TBC1D31: variants seen among roughly 807,000 people sequenced by gnomAD.
TBC1D31 encodes TBC1 domain family member 31.
In TBC1D31, 99 loss-of-function variants were observed where a neutral mutation model predicts 132.9. The observed-to-expected ratio is 0.74, with a 90% CI of 0.63 to 0.88. The LOEUF (loss-of-function observed/expected upper bound fraction) is 0.88, where lower values mean the gene tolerates loss of function less well. Ranked by LOEUF, TBC1D31 falls within the 40% of genes least tolerant of loss-of-function variation. TBC1D31 has a pLI of 0.00. For missense variants in TBC1D31, 1,134 were observed against 1,256.6 expected (o/e 0.90, Z 1.48); for synonymous variants, 385 against 419.4 (o/e 0.92, Z 1.00).
chr8:123,100,291 G>A (rs1213493850), intron 6 of TBC1D31, among the ~76,000 whole-genome samples: 1 of 152,092 alleles, frequency 6.6e-6, no homozygotes, highest in African/African-American at 2.4e-5. Flanking sequence ...GTAATATCAG[G>A]CCAGGTGCAG....
intron 10 of TBC1D31, among the ~76,000 whole-genome samples, chr8:123,119,555 A>T (rs1819276625): frequency 1.3e-5 from 2 of 152,102 alleles, no homozygotes; most frequent in Non-Finnish European, 2.9e-5. Context: ...TACCCGCAAG[A>T]AAGATTAGCC....
intron 20 of TBC1D31, among the ~76,000 whole-genome samples, chr8:123,147,145 C>A (rs1822292794): frequency 6.6e-6 from 1 of 151,880 alleles, no homozygotes; most frequent in Non-Finnish European, 1.5e-5. Context: ...TTCTCCCTCA[C>A]CCTCTCACAC....
At chr8:123,086,183 C>G (rs904506804) in intron 4 of TBC1D31, among the ~76,000 whole-genome samples, 1 of 145,204 alleles carries the variant, frequency 6.9e-6, no homozygotes, top group African/African-American at 2.6e-5. Context: ...GGTTTCCACG[C>G]TGCTACCCCT....
At chr8:123,100,773 A>G in intron 6 of TBC1D31, 34 bp from the exon 7 acceptor site, 3 of 1,540,926 alleles carry the variant, frequency 1.9e-6, no homozygotes, top group South Asian at 2.2e-5. Flanking sequence ...TGACTATCAC[A>G]TGTTTTTAGG....
chr8:123,097,352 C>T lies in TBC1D31; in HGVS notation c.742C>T (p.Leu248Phe), dbSNP rs773497753. The change falls in exon 6 of 22, where the codon CTC (leucine) becomes TTC (phenylalanine). Residue 248 changes from leucine (L) to phenylalanine (F), a missense_variant. Leu to Phe is a conservative substitution (Grantham distance 22). Coordinates refer to ENST00000287380, the MANE Select transcript of TBC1D31 (RefSeq NM_145647.4). The stretch of plus-strand genomic sequence containing the variant: ...TTTGTGGTGCTTGGAAGCTAGGCAG[C>T]TCTTTAGAATTATCCAGATGCCCAC... ...LHLWCLEARQ[L>F]FRIIQMPTKV... 3 of 1,614,136 alleles carry T rather than the reference C, an allele frequency of 1.9e-6. No individual in the cohort carries two copies. Among genetic ancestry groups the T allele is most frequent in the East Asian group, 4.5e-5 (2 of 44,870 alleles).
the TBC1D31 span, among the ~76,000 whole-genome samples, chr8:123,161,645 A>G: frequency 0.055 from 8,334 of 152,270 alleles, 757 homozygotes; most frequent in African/African-American, 0.19. Flanking sequence ...ATTATAAACA[A>G]TTGCAAAAGA....
chr8:123,093,700 C>G lies in TBC1D31; in HGVS notation c.629C>G (p.Pro210Arg). The G allele has an allele frequency of 6.2e-7, 1 of 1,610,768 alleles. No homozygotes were observed. Among genetic ancestry groups the G allele is most frequent in the Non-Finnish European group, 8.5e-7 (1 of 1,177,720 alleles). ...TGCAAATATCAATTGCCAGCTCCAC[C>G]TGAAAGCTCTAGTATATTATACAAA... Reference protein sequence around the residue: ...LFCKYQLPAPPESSSILYKVF... With the variant: ...LFCKYQLPAPRESSSILYKVF... The change falls in exon 5 of 22, where the codon CCT (proline) becomes CGT (arginine). Residue 210 changes from proline (P) to arginine (R), a missense_variant. Transcript: ENST00000287380.
intron 16 of TBC1D31, among the ~76,000 whole-genome samples, chr8:123,133,061 A>G (rs1820772913): frequency 6.6e-6 from 1 of 152,136 alleles, no homozygotes; most frequent in Non-Finnish European, 1.5e-5. Flanking sequence ...TTGTGCTCTG[A>G]CCCTGCCAAA....
chr8:123,097,202 T>C, intron 5 of TBC1D31, 80 bp from the exon 6 acceptor site: 1 of 1,465,804 alleles, frequency 6.8e-7, no homozygotes, highest in Non-Finnish European at 9.4e-7. Context: ...TACATTTCTG[T>C]CATCATAGAA....
intron 17 of TBC1D31, among the ~76,000 whole-genome samples, chr8:123,136,373 A>G (rs1821089661): frequency 6.6e-6 from 1 of 152,232 alleles, no homozygotes; most frequent in South Asian, 2.1e-4. Context: ...TCCCTTAATT[A>G]GCATTTGGCT....
At chr8:123,163,539 A>AT in the TBC1D31 span, among the ~76,000 whole-genome samples, 2 of 150,650 alleles carry the variant, frequency 1.3e-5, no homozygotes, top group Non-Finnish European at 3.0e-5. Context: ...TAATTTTTGT[A>AT]TTTTTTGCAG....
chr8:123,078,053 C>CA (rs368627401), intron 2 of TBC1D31, among the ~76,000 whole-genome samples: 3,760 of 145,190 alleles, frequency 0.026, 121 homozygotes, highest in African/African-American at 0.088. Flanking sequence ...GACTCCATCT[C>CA]AAAAAAAAAA....
At chr8:123,074,419 A>G (rs1428913217) in intron 1 of TBC1D31, among the ~76,000 whole-genome samples, 7 of 152,164 alleles carry the variant, frequency 4.6e-5, no homozygotes, top group Admixed American at 3.3e-4. Context: ...AGGCCTCTTT[A>G]TCAATGCCGC....
intron 8 of TBC1D31, among the ~76,000 whole-genome samples, chr8:123,106,258 G>A (rs994832641): frequency 9.2e-5 from 14 of 152,154 alleles, no homozygotes; most frequent in South Asian, 2.1e-4. Flanking sequence ...GTAGCATGAC[G>A]AAATCTCCTG....
At chr8:123,160,777 T>C in the TBC1D31 span, among the ~76,000 whole-genome samples, 1 of 151,532 alleles carries the variant, frequency 6.6e-6, no homozygotes, top group East Asian at 1.9e-4. Context: ...AGAACAGGAG[T>C]TGGGGGTGGG....
intron 20 of TBC1D31, among the ~76,000 whole-genome samples, chr8:123,146,301 C>T (rs1246074873): frequency 6.6e-6 from 1 of 152,180 alleles, no homozygotes; most frequent in Non-Finnish European, 1.5e-5. Flanking sequence ...AAAATAAACC[C>T]AGTACCCATT....
At chr8:123,131,818 A>C (rs1820663646) in intron 16 of TBC1D31, among the ~76,000 whole-genome samples, 1 of 152,178 alleles carries the variant, frequency 6.6e-6, no homozygotes, top group Admixed American at 6.5e-5. Context: ...GTACTGCATC[A>C]GTCTTAATAT....
In TBC1D31 at chr8:123,109,647, G is replaced by A; in HGVS notation, c.1436+27G>A. ...TATGTTCTATATATTGCAGCAATGT[G>A]TATGAGACCTGTAACTAATAATTGC... On this transcript the variant is annotated intron_variant, in intron 10 of 21. Transcript: ENST00000287380. The A allele has an allele frequency of 1.9e-6, 3 of 1,551,074 alleles. 1 individual carries two copies. The Middle Eastern group carries it at 5.2e-4, about 267-fold the overall frequency.
chr8:123,142,514 A>G, intron 19 of TBC1D31, 58 bp downstream of exon 19: 1 of 1,178,882 alleles, frequency 8.5e-7, no homozygotes, highest in Non-Finnish European at 1.1e-6. Context: ...TTTTTTTTTT[A>G]AAAGACAGAG....
Sources: gnomAD v4.1 joint callset for allele counts (sites outside exome capture counted in the v4.1 genomes callset) on GRCh38, gnomAD v4.1.1 for gene constraint, MANE v1.5 for transcripts, NCBI Gene and HGNC (gene_info 2026-07-23, HGNC 2026-07-21) for gene names.